ADAMTSL1: variants seen among roughly 807,000 people sequenced by gnomAD.
ADAMTSL1 encodes the protein ADAMTS like 1.
A neutral mutation model predicts 201.8 loss-of-function variants in ADAMTSL1; 126 were observed. The ratio of observed to expected loss-of-function variants is 0.62; its 90% CI spans 0.54 to 0.72. ADAMTSL1 has a LOEUF of 0.72. Among genes scored for constraint, ADAMTSL1 ranks in the 30% least tolerant of loss-of-function variants. The probability of loss-of-function intolerance (pLI) is 0.00; values close to 1 mark genes in which losing one functional copy is unlikely to be tolerated. For synonymous variants in ADAMTSL1, 1,121 were observed against 903.4 expected (o/e 1.24, Z -4.32); for missense variants, 2,679 against 2,277.8 (o/e 1.18, Z -3.59).
intron 2 of ADAMTSL1, among the ~76,000 whole-genome samples, chr9:18,531,556 A>C (rs1039787262): frequency 1.2e-4 from 19 of 152,286 alleles, no homozygotes; most frequent in African/African-American, 4.6e-4. Context: ...ATTACAGTCA[A>C]GTCTTTAGGA....
At chr9:18,711,510 C>T (rs1453427543) in intron 14 of ADAMTSL1, among the ~76,000 whole-genome samples, 22 of 152,352 alleles carry the variant, frequency 1.4e-4, no homozygotes, top group Non-Finnish European at 2.9e-4. Flanking sequence ...AATCGGGTCA[C>T]TCCCACCCAA....
At chr9:18,363,193 C>A (rs1350527303) in intron 2 of ADAMTSL1, among the ~76,000 whole-genome samples, 2 of 152,278 alleles carry the variant, frequency 1.3e-5, no homozygotes, top group East Asian at 3.9e-4. Flanking sequence ...AAAGTTAGTA[C>A]CTTTCTGTCT....
intron 1 of ADAMTSL1, among the ~76,000 whole-genome samples, chr9:18,132,835 C>T (rs963754822): frequency 2.6e-5 from 4 of 152,246 alleles, no homozygotes; most frequent in African/African-American, 9.6e-5. Context: ...TTTAGTGCTC[C>T]CCAAGCTCCC....
chr9:18,359,827 G>GCC (rs1352201698), intron 2 of ADAMTSL1, among the ~76,000 whole-genome samples: 1,916 of 39,200 alleles, frequency 0.049, 93 homozygotes, highest in South Asian at 0.1. Context: ...CTCCCCACCC[G>GCC]CCCCCCCGCC....
At chr9:18,881,647 A>G (rs1257418964) in intron 23 of ADAMTSL1, among the ~76,000 whole-genome samples, 3 of 152,276 alleles carry the variant, frequency 2.0e-5, no homozygotes, top group East Asian at 3.8e-4. Context: ...GACATAAAGT[A>G]TGCACACACT....
intron 1 of ADAMTSL1, among the ~76,000 whole-genome samples, chr9:18,085,562 T>C (rs982018250): frequency 6.7e-5 from 10 of 149,190 alleles, no homozygotes; most frequent in African/African-American, 2.5e-4. Flanking sequence ...ACACACTGTG[T>C]GTATACATAT....
chr9:18,799,517 G>A (rs1307197274), intron 20 of ADAMTSL1, among the ~76,000 whole-genome samples: 1 of 152,214 alleles, frequency 6.6e-6, no homozygotes, highest in Non-Finnish European at 1.5e-5. Context: ...CAGGTATGGA[G>A]CATTGGTGAG....
At chr9:18,345,821 T>C (rs763704256) in intron 2 of ADAMTSL1, among the ~76,000 whole-genome samples, 8 of 152,084 alleles carry the variant, frequency 5.3e-5, no homozygotes, top group Admixed American at 2.0e-4. Context: ...CACAGAACCC[T>C]GAGCTGCAGA....
At chr9:18,518,317 G>A (rs1305979950) in intron 2 of ADAMTSL1, among the ~76,000 whole-genome samples, 5 of 148,524 alleles carry the variant, frequency 3.4e-5, no homozygotes, top group African/African-American at 1.2e-4. Flanking sequence ...TTCCTCTTTT[G>A]GAGTCCCCAG....
chr9:18,033,167 C>T (rs899864451), intron 1 of ADAMTSL1, among the ~76,000 whole-genome samples: 12 of 152,122 alleles, frequency 7.9e-5, no homozygotes, highest in Admixed American at 1.3e-4. Flanking sequence ...CATTTAATGT[C>T]GCTATCAAGG....
intron 2 of ADAMTSL1, among the ~76,000 whole-genome samples, chr9:18,440,587 C>A (rs1282374778): frequency 6.6e-6 from 1 of 150,548 alleles, no homozygotes; most frequent in East Asian, 1.9e-4. Flanking sequence ...AAACACTAGA[C>A]TTTATCAGAT....
chr9:18,909,283 T>C lies in ADAMTSL1; in HGVS notation c.*735T>C, dbSNP rs1306845135. On this transcript the variant is annotated 3_prime_UTR_variant, in exon 29 of 29. Coordinates refer to ENST00000380548, the MANE Select transcript of ADAMTSL1 (RefSeq NM_001040272.6). ...GCAGGGTGAGCAGGGGCTTCCAGGC[T>C]GCATGAGGCTCATGGACCAGCTCTG... 6.5e-6 allele frequency: 1 copy of C among 152,786 alleles called. No individual in the cohort carries two copies. The highest frequency in any genetic ancestry group is 1.9e-4 in the East Asian group (1 of 5,188). The allele number at this position is 152,786 out of a possible 1,614,324, so 9.5% of individuals were successfully genotyped here. A position where few individuals can be genotyped will look rare whatever the true frequency, so the allele number is the denominator to read the frequency against.
intron 2 of ADAMTSL1, among the ~76,000 whole-genome samples, chr9:18,269,191 T>C (rs1832257420): frequency 1.3e-5 from 2 of 152,152 alleles, no homozygotes; most frequent in African/African-American, 4.8e-5. Flanking sequence ...CTCAATAAAA[T>C]TTGTAGACTC....
intron 15 of ADAMTSL1, among the ~76,000 whole-genome samples, chr9:18,736,842 A>T (rs1266621522): frequency 6.6e-6 from 1 of 152,200 alleles, no homozygotes. Flanking sequence ...CTTTAAATGG[A>T]AGCCTACCCC....
At chr9:18,484,943 G>T (rs957395368) in intron 1 of ADAMTSL1, among the ~76,000 whole-genome samples, 3 of 152,174 alleles carry the variant, frequency 2.0e-5, no homozygotes, top group African/African-American at 7.2e-5. Context: ...GTTAACTAAG[G>T]ACGCTAATAA....
chr9:18,038,943 G>A (rs1337178060), intron 1 of ADAMTSL1, among the ~76,000 whole-genome samples: 2 of 152,190 alleles, frequency 1.3e-5, no homozygotes, highest in Non-Finnish European at 2.9e-5. Context: ...ACATAAGTTA[G>A]TTAAAGGATG....
At chr9:18,617,923 T>A (rs1171198433) in intron 4 of ADAMTSL1, among the ~76,000 whole-genome samples, 1 of 152,152 alleles carries the variant, frequency 6.6e-6, no homozygotes, top group Non-Finnish European at 1.5e-5. Context: ...ATAAACTGTA[T>A]TAGACCAAAA....
chr9:17,994,403 T>C (rs1819290574), intron 1 of ADAMTSL1, among the ~76,000 whole-genome samples: 1 of 152,150 alleles, frequency 6.6e-6, no homozygotes, highest in South Asian at 2.1e-4. Context: ...CAATAGTCAT[T>C]TAAAGACACA....
At chr9:18,150,520 G>A (rs1826861345) in intron 1 of ADAMTSL1, among the ~76,000 whole-genome samples, 1 of 152,056 alleles carries the variant, frequency 6.6e-6, no homozygotes, top group Non-Finnish European at 1.5e-5. Flanking sequence ...GTGGAGTCAT[G>A]AAGTATAGTG....
Sources: allele counts gnomAD v4.1 joint callset (sites outside exome capture counted in the v4.1 genomes callset), GRCh38; gene constraint gnomAD v4.1.1; transcripts MANE v1.5; gene names NCBI Gene and HGNC (gene_info 2026-07-23, HGNC 2026-07-21).